Variants in AKAP19 observed in about 807,000 individuals in gnomAD.
AKAP19 encodes the protein small A-kinase anchoring protein.
chr2:189,949,378 C>T, the AKAP19 span, among the ~76,000 whole-genome samples: 2 of 151,928 alleles, frequency 1.3e-5, no homozygotes, highest in Admixed American at 1.3e-4. Context: ...ATGGTGAAAC[C>T]TCATCTCTAT....
the AKAP19 span, among the ~76,000 whole-genome samples, chr2:190,142,411 C>T: frequency 6.6e-6 from 1 of 152,168 alleles, no homozygotes; most frequent in African/African-American, 2.4e-5. Flanking sequence ...GGGCCTTGCT[C>T]TCCAATATTT....
the AKAP19 span, among the ~76,000 whole-genome samples, chr2:189,906,609 T>C: frequency 6.6e-6 from 1 of 152,296 alleles, no homozygotes; most frequent in South Asian, 2.1e-4. Context: ...GTGTATTCCA[T>C]TGTATAAGCA....
chr2:189,887,618 C>T, the AKAP19 span, among the ~76,000 whole-genome samples: 3 of 152,242 alleles, frequency 2.0e-5, no homozygotes, highest in Non-Finnish European at 2.9e-5. Flanking sequence ...TCTCCACATC[C>T]TCTCCACCAT....
the AKAP19 span, among the ~76,000 whole-genome samples, chr2:189,951,188 A>T: frequency 7.1e-6 from 1 of 140,374 alleles, no homozygotes; most frequent in African/African-American, 2.7e-5. Flanking sequence ...AGTTCTCTGA[A>T]TCCTCCTTTT....
At chr2:189,954,889 C>T in the AKAP19 span, among the ~76,000 whole-genome samples, 1 of 152,162 alleles carries the variant, frequency 6.6e-6, no homozygotes, top group African/African-American at 2.4e-5. Flanking sequence ...TGCCCAATAT[C>T]TTTGACCTCT....
the AKAP19 span, among the ~76,000 whole-genome samples, chr2:190,040,497 G>A: frequency 1.3e-5 from 2 of 152,076 alleles, no homozygotes; most frequent in African/African-American, 4.8e-5. Flanking sequence ...AGTTTCTTTT[G>A]CTGTGCAGAA....
chr2:189,932,163 CTTTT>C, the AKAP19 span, among the ~76,000 whole-genome samples: 8 of 152,050 alleles, frequency 5.3e-5, no homozygotes, highest in African/African-American at 1.7e-4. Flanking sequence ...CTCAGTCTTT[CTTTT>C]TATGACAAAT....
chr2:190,098,638 C>T, the AKAP19 span, among the ~76,000 whole-genome samples: 1 of 152,114 alleles, frequency 6.6e-6, no homozygotes, highest in East Asian at 1.9e-4. Context: ...GCTGCATTAG[C>T]CCTTAGAACA....
At chr2:190,093,049 G>A in the AKAP19 span, among the ~76,000 whole-genome samples, 1 of 152,086 alleles carries the variant, frequency 6.6e-6, no homozygotes, top group Non-Finnish European at 1.5e-5. Context: ...CACGTCTGAA[G>A]AAACTTCAAA....
chr2:190,186,937 T>C, the AKAP19 span, among the ~76,000 whole-genome samples: 2 of 152,162 alleles, frequency 1.3e-5, no homozygotes, highest in Non-Finnish European at 2.9e-5. The surrounding 1 kb of genome is among the most constrained non-coding windows in gnomAD (Gnocchi z 5.5). Context: ...CCTCCCAGGT[T>C]CAAGTGATTC....
At chr2:190,056,672 C>T in the AKAP19 span, 3 of 152,630 alleles carry the variant, frequency 2.0e-5, no homozygotes, top group Non-Finnish European at 4.4e-5. Flanking sequence ...TAGCCTCAGA[C>T]ATTCAGCCTA....
chr2:190,172,597 G>A, the AKAP19 span, among the ~76,000 whole-genome samples: 1 of 152,144 alleles, frequency 6.6e-6, no homozygotes, highest in Non-Finnish European at 1.5e-5. Flanking sequence ...GAATTAGATA[G>A]GAGGTTTGCT....
the AKAP19 span, among the ~76,000 whole-genome samples, chr2:190,036,421 T>C: frequency 6.6e-6 from 1 of 152,210 alleles, no homozygotes; most frequent in Non-Finnish European, 1.5e-5. Context: ...TCTGGTTAAA[T>C]GAAGCTGCCT....
chr2:190,065,775 T>C, the AKAP19 span, among the ~76,000 whole-genome samples: 1 of 152,172 alleles, frequency 6.6e-6, no homozygotes, highest in Non-Finnish European at 1.5e-5. Flanking sequence ...CTACTATGAA[T>C]AGGGAGAATT....
chr2:190,062,852 C>T, the AKAP19 span: 24 of 416,888 alleles, frequency 5.8e-5, no homozygotes, highest in Non-Finnish European at 9.1e-5. Context: ...CCCTGTCTGT[C>T]CCAAGTCACC....
chr2:190,147,031 T>C, the AKAP19 span, among the ~76,000 whole-genome samples: 193 of 152,330 alleles, frequency 1.3e-3, no homozygotes, highest in Non-Finnish European at 6.6e-4. Context: ...TATCTTTGTT[T>C]TTATTGCATT....
At chr2:189,935,392 A>C in the AKAP19 span, among the ~76,000 whole-genome samples, 1 of 152,098 alleles carries the variant, frequency 6.6e-6, no homozygotes, top group Non-Finnish European at 1.5e-5. Context: ...GGTAAAGTAA[A>C]TATCGAAAAG....
chr2:190,154,906 GTGT>G, the AKAP19 span, among the ~76,000 whole-genome samples: 4 of 152,206 alleles, frequency 2.6e-5, no homozygotes, highest in Non-Finnish European at 4.4e-5. Flanking sequence ...GAAGAGATCT[GTGT>G]TTGGAGGCAG....
At chr2:190,037,022 G>A in the AKAP19 span, among the ~76,000 whole-genome samples, 2 of 152,152 alleles carry the variant, frequency 1.3e-5, no homozygotes, top group Admixed American at 6.5e-5. Flanking sequence ...GAATTCAGAG[G>A]TCTCACTTTA....
Sources: allele counts gnomAD v4.1 joint callset (sites outside exome capture counted in the v4.1 genomes callset), GRCh38; gene constraint gnomAD v4.1.1; non-coding constraint Gnocchi (gnomAD v3.1); transcripts MANE v1.5; gene names NCBI Gene and HGNC (gene_info 2026-07-23, HGNC 2026-07-21).